VWF: variants seen among roughly 807,000 people sequenced by gnomAD.
VWF encodes the protein von Willebrand factor.
Under a neutral mutation model 308.6 loss-of-function variants are expected in VWF, and 176 were observed. The observed-to-expected ratio is 0.57, with a 90% CI of 0.50 to 0.65. The LOEUF (loss-of-function observed/expected upper bound fraction) is 0.65, where lower values mean the gene tolerates loss of function less well. Ranked by LOEUF, VWF falls within the 30% of genes least tolerant of loss-of-function variation. The pLI is 0.00. For synonymous variants in VWF, 1,385 were observed against 1,443.4 expected, an observed-to-expected ratio of 0.96 and a Z score of 0.92; for missense variants, 3,146 against 3,648.2, an observed-to-expected ratio of 0.86 and a Z score of 3.55.
chr12:6,116,154 C>T (rs1167274199), intron 3 of VWF, among the ~76,000 whole-genome samples: 3 of 152,184 alleles, frequency 2.0e-5, no homozygotes, highest in African/African-American at 7.2e-5. Context: ...CTGCACTCCA[C>T]AGACCTCCAG....
At chr12:6,042,224 G>A (rs1298328372) in intron 18 of VWF, among the ~76,000 whole-genome samples, 3 of 152,100 alleles carry the variant, frequency 2.0e-5, no homozygotes, top group East Asian at 3.9e-4. Context: ...CTGCCCCCGG[G>A]AAAAAGCCAC....
chr12:6,002,373 T>C (rs987961406), intron 34 of VWF, among the ~76,000 whole-genome samples: 2 of 151,830 alleles, frequency 1.3e-5, no homozygotes, highest in Non-Finnish European at 2.9e-5. Context: ...TGTATATAAA[T>C]TAACAAATGA....
chr12:6,095,268 C>G, intron 6 of VWF, 192 bp downstream of exon 6: 1 of 815,576 alleles, frequency 1.2e-6, no homozygotes, highest in East Asian at 2.6e-5. Flanking sequence ...AGTCATTAGC[C>G]CAGACTCATT....
intron 40 of VWF, among the ~76,000 whole-genome samples, chr12:5,983,832 T>G (rs1401018310): frequency 1.1e-5 from 1 of 93,884 alleles, no homozygotes; most frequent in Non-Finnish European, 2.4e-5. Context: ...AGAGGATAGA[T>G]GATAAATAGA....
intron 40 of VWF, 88 bp from the exon 41 acceptor site, chr12:5,983,342 T>C: frequency 7.7e-7 from 1 of 1,304,772 alleles, no homozygotes; most frequent in Non-Finnish European, 1.1e-6. Context: ...TTCCTATTCA[T>C]GCAGACTTCT....
intron 47 of VWF, among the ~76,000 whole-genome samples, chr12:5,955,253 C>G (rs895977792): frequency 6.6e-6 from 1 of 151,548 alleles, no homozygotes; most frequent in African/African-American, 2.4e-5. Context: ...TTTTAGGGTA[C>G]ATGTGCACAA....
chr12:5,985,000 G>A (rs1034704226), intron 40 of VWF, 45 bp downstream of exon 40: 8 of 1,599,978 alleles, frequency 5.0e-6, no homozygotes, highest in Middle Eastern at 1.7e-4. Context: ...TGCCCCCTGG[G>A]GCTAGGGTTG....
chr12:5,976,222 C>A lies in VWF; in HGVS notation c.7326G>T (p.Gln2442His), dbSNP rs139290955. The A allele has an allele frequency of 6.8e-5, 109 of 1,614,162 alleles. No homozygotes were observed. The East Asian group carries it at 2.4e-3, about 36-fold the overall frequency. Residue 2442 changes from glutamine to histidine, a missense_variant, in exon 43 of 52, where the codon CAG becomes CAT. Gln to His is a conservative substitution (Grantham distance 24). This residue lies in a region of VWF where 989 missense variants were observed against 1,117.4 expected (regional missense o/e 0.89). Coordinates refer to ENST00000261405, the MANE Select transcript of VWF (RefSeq NM_000552.5). ...ACACATCGCAGCCCTCCTCCCAGAA[C>A]TGGCCCACAGGGTAGATGGTGCTTC... is the stretch of plus-strand genomic sequence containing the variant. ...VHRSTIYPVG[Q>H]FWEEGCDVCT...
intron 18 of VWF, 58 bp downstream of exon 18, chr12:6,044,233 C>T: frequency 6.2e-7 from 1 of 1,605,650 alleles, no homozygotes; most frequent in Non-Finnish European, 8.5e-7. Flanking sequence ...CCCCCTCACT[C>T]ATCCCTGCCT....
chr12:6,107,850 G>C (rs1187075843), intron 5 of VWF, among the ~76,000 whole-genome samples: 1 of 151,972 alleles, frequency 6.6e-6, no homozygotes, highest in Admixed American at 6.6e-5. Context: ...AGTAGAGACG[G>C]GGTTTCACCG....
At chr12:5,988,369 G>T (rs889157072) in intron 38 of VWF, among the ~76,000 whole-genome samples, 9 of 152,174 alleles carry the variant, frequency 5.9e-5, no homozygotes, top group Admixed American at 5.9e-4. Context: ...TGGAGGGAGG[G>T]GCCCAGGGCG....
At chr12:6,034,627 C>T (rs1944311888) in intron 20 of VWF, 61 bp downstream of exon 20, 1 of 1,611,894 alleles carries the variant, frequency 6.2e-7, no homozygotes, top group East Asian at 2.2e-5. Flanking sequence ...CAACCTGAGG[C>T]CACACCTCCC....
rs926694362 is a variant in VWF at position 6,033,321 on chromosome 12, C to T, written c.2685+1367G>A. Among the ~76,000 whole-genome samples, 76 of 152,136 alleles carry T rather than the reference C, an allele frequency of 5.0e-4. 2 individuals carry two copies. The highest frequency in any genetic ancestry group is 4.7e-3 in the Admixed American group (72 of 15,268). On this transcript the variant is annotated intron_variant, in intron 20 of 51. Coordinates refer to ENST00000261405, the MANE Select transcript of VWF (RefSeq NM_000552.5). ...GACAATGCATCAGAAGACAACAGAA[C>T]CAGCTGTAGGAAAGGAAAACAAGCC...
intron 6 of VWF, chr12:6,095,244 G>A (rs1945093081): frequency 1.5e-6 from 1 of 656,242 alleles, no homozygotes; most frequent in South Asian, 1.6e-5. Flanking sequence ...CAAATGGACT[G>A]AGACACTACA....
intron 5 of VWF, among the ~76,000 whole-genome samples, chr12:6,103,372 G>A (rs868441344): frequency 7.1e-6 from 1 of 141,174 alleles, no homozygotes; most frequent in Non-Finnish European, 1.5e-5. Flanking sequence ...ATATATGTGT[G>A]TGTGTGTATA....
intron 51 of VWF, 61 bp downstream of exon 51, chr12:5,949,725 G>C: frequency 2.0e-6 from 3 of 1,491,930 alleles, no homozygotes; most frequent in Non-Finnish European, 2.8e-6. Context: ...ACTAAGGATA[G>C]GTATCCGAAC....
At chr12:5,980,406 A>T (rs1308689457) in intron 42 of VWF, among the ~76,000 whole-genome samples, 2 of 152,182 alleles carry the variant, frequency 1.3e-5, no homozygotes, top group African/African-American at 4.8e-5. Flanking sequence ...CTGGAAATAC[A>T]GGGGATAGAG....
rs1241346987 is a variant in VWF at position 5,985,102 on chromosome 12, A to G, written c.6919T>C (p.Cys2307Arg). ...PTAKAPTCGL[C>R]EVARLRQNAD... is the part of the protein sequence containing the mutation. ...TTCTGGCGGAGGCGGGCTACTTCAC[A>G]CAGGCCACACGTGGGAGCTAGAGGA... is the stretch of plus-strand genomic sequence containing the variant. The change falls in exon 40 of 52, where the codon TGT (cysteine) becomes CGT (arginine). Residue 2307 changes from cysteine (C) to arginine (R), a missense_variant. By Grantham distance (180) the Cys-to-Arg change is radical. Coordinates refer to ENST00000261405, the MANE Select transcript of VWF (RefSeq NM_000552.5). 3.7e-6 allele frequency: 6 copies of G among 1,614,220 alleles called. No homozygotes were observed. The highest frequency in any genetic ancestry group is 5.1e-6 in the Non-Finnish European group (6 of 1,180,038).
chr12:6,027,276 G>A (rs998850328), intron 22 of VWF, among the ~76,000 whole-genome samples: 3 of 152,024 alleles, frequency 2.0e-5, no homozygotes, highest in African/African-American at 7.3e-5. Flanking sequence ...TTAAGGCCTC[G>A]GCACGTGCTT....
Sources: allele counts gnomAD v4.1 joint callset (sites outside exome capture counted in the v4.1 genomes callset), GRCh38; gene constraint gnomAD v4.1.1; regional missense constraint gnomAD v4.1.1; transcripts MANE v1.5; gene names NCBI Gene and HGNC (gene_info 2026-07-23, HGNC 2026-07-21).